MLLT10: variants seen among roughly 807,000 people sequenced by gnomAD.
MLLT10 encodes the protein MLLT10 histone lysine methyltransferase DOT1L cofactor, also known as protein AF-10.
A neutral mutation model predicts 129.1 loss-of-function variants in MLLT10; 30 were observed. That is an observed-to-expected ratio of 0.23 (90% CI 0.17 to 0.32). MLLT10 has a LOEUF of 0.32. Among genes scored for constraint, MLLT10 ranks in the 10% least tolerant of loss-of-function variants. The pLI, the probability that MLLT10 is intolerant of heterozygous loss-of-function variation, is 1.00. For missense variants in MLLT10, 1,119 were observed against 1,268.3 expected (o/e 0.88, Z 1.79); for synonymous variants, 490 against 446.4 (o/e 1.10, Z -1.23).
chr10:21,559,064 A>G (rs1466983766), intron 3 of MLLT10, among the ~76,000 whole-genome samples: 4 of 152,150 alleles, frequency 2.6e-5, no homozygotes, highest in East Asian at 3.9e-4. Flanking sequence ...TTGATTGTGT[A>G]TATCAGTTTG....
chr10:21,631,920 GTTTTTTTTTTGGT>G (rs1475589152), intron 8 of MLLT10, among the ~76,000 whole-genome samples: 1 of 125,322 alleles, frequency 8.0e-6, no homozygotes, highest in Non-Finnish European at 1.6e-5. Flanking sequence ...AACTTGAAGA[GTTTTTTTTTTGGT>G]TTTTTTTTTT....
intron 17 of MLLT10, 102 bp from the exon 18 acceptor site, chr10:21,732,797 C>A: frequency 2.3e-6 from 2 of 888,860 alleles, no homozygotes; most frequent in Non-Finnish European, 3.2e-6. Flanking sequence ...AGAATTTCTA[C>A]TGTTCTATTT....
intron 3 of MLLT10, among the ~76,000 whole-genome samples, chr10:21,551,289 C>CTT (rs11461905): frequency 0.018 from 1,665 of 91,934 alleles, 104 homozygotes; most frequent in African/African-American, 0.053. Context: ...CGGATTGTAC[C>CTT]TTTTTTTTTT....
intron 5 of MLLT10, among the ~76,000 whole-genome samples, chr10:21,604,391 A>G (rs2043855344): frequency 6.6e-6 from 1 of 152,108 alleles, no homozygotes. Flanking sequence ...GGAGTTCAAG[A>G]CCAGCCTGGC....
rs1564353525 is a variant in MLLT10, at chr10:21,534,468, AC to A, written c.-52del. On this transcript the variant is annotated 5_prime_UTR_variant, in exon 1 of 23. Coordinates refer to ENST00000307729, the MANE Select transcript of MLLT10 (RefSeq NM_001195626.3). Reference sequence around the variant, plus strand: ...GGGGAGGTGGGGGGAATCAGCAAGGACATGGCTCCTGACTCCTGTGCGGAAC... The same window carrying A: ...GGGGAGGTGGGGGGAATCAGCAAGGAATGGCTCCTGACTCCTGTGCGGAAC... 3.5e-6 allele frequency: 2 copies of A among 573,402 alleles called. No individual in the cohort carries two copies. The allele number at this position is 573,402 out of a possible 1,614,324, so 35.5% of individuals were successfully genotyped here.
chr10:21,686,240 G>A (rs562455732), intron 13 of MLLT10, among the ~76,000 whole-genome samples: 46 of 152,152 alleles, frequency 3.0e-4, no homozygotes, highest in African/African-American at 9.2e-4. Flanking sequence ...TATAGGCATC[G>A]ATTTAAAGTT....
At chr10:21,679,220 T>G (rs940394233) in intron 11 of MLLT10, among the ~76,000 whole-genome samples, 25 of 152,084 alleles carry the variant, frequency 1.6e-4, no homozygotes, top group Non-Finnish European at 8.8e-5. Flanking sequence ...TTTCTAAGAG[T>G]TTTAAGTTTG....
intron 13 of MLLT10, among the ~76,000 whole-genome samples, chr10:21,697,186 G>A (rs1479568213): frequency 6.6e-6 from 1 of 151,614 alleles, no homozygotes; most frequent in Non-Finnish European, 1.5e-5. Context: ...ACAGAAATAG[G>A]CCGGGCATGG....
At chr10:21,625,382 G>C (rs531211395) in intron 8 of MLLT10, 54 of 792,870 alleles carry the variant, frequency 6.8e-5, no homozygotes, top group Non-Finnish European at 1.1e-4. Flanking sequence ...TCCAAATTCA[G>C]AAAATGACTT....
intron 13 of MLLT10, chr10:21,708,700 A>G: frequency 1.0e-6 from 1 of 985,264 alleles, no homozygotes; most frequent in Non-Finnish European, 1.2e-6. Flanking sequence ...TTAAGTTTTG[A>G]GATTGAAGGT....
At chr10:21,644,399 A>T (rs945983845) in intron 8 of MLLT10, among the ~76,000 whole-genome samples, 1 of 151,998 alleles carries the variant, frequency 6.6e-6, no homozygotes, top group African/African-American at 2.4e-5. Context: ...TTTAAGGGCT[A>T]TGTATTTTGC....
At chr10:21,717,542 CCTTCTTCTTT>C (rs1331030457) in intron 14 of MLLT10, among the ~76,000 whole-genome samples, 122 of 115,690 alleles carry the variant, frequency 1.1e-3, no homozygotes, top group African/African-American at 2.8e-3. Flanking sequence ...CCTCCTCCTC[CCTTCTTCTTT>C]CTTCTTCTTT....
intron 13 of MLLT10, chr10:21,708,653 C>T (rs2055774337): frequency 4.1e-6 from 4 of 984,688 alleles, no homozygotes; most frequent in Non-Finnish European, 4.8e-6. Flanking sequence ...TGCGTAATTT[C>T]GTATGTAAGT....
intron 9 of MLLT10, among the ~76,000 whole-genome samples, chr10:21,662,497 C>G (rs2050312505): frequency 6.6e-6 from 1 of 151,954 alleles, no homozygotes; most frequent in Non-Finnish European, 1.5e-5. Flanking sequence ...GTGTCCCACT[C>G]TGCTGATGAT....
intron 3 of MLLT10, among the ~76,000 whole-genome samples, chr10:21,581,484 T>C (rs1374790074): frequency 6.6e-6 from 1 of 152,192 alleles, no homozygotes; most frequent in East Asian, 1.9e-4. Flanking sequence ...AGTGAGTAAG[T>C]GGTGAGTGAA....
At chr10:21,614,740 C>T (rs2131203453) in intron 6 of MLLT10, 91 bp from the exon 7 acceptor site, 1 of 928,668 alleles carries the variant, frequency 1.1e-6, no homozygotes, top group East Asian at 2.7e-5. Context: ...TTTCTCAGAG[C>T]ATGAATGATT....
In MLLT10 at chr10:21,612,264, T is replaced by C. The variant is rs1479202184; in HGVS notation, c.406-84T>C. The stretch of plus-strand genomic sequence containing the variant: ...AAGATAGGTTACTTAGTATACCTGA[T>C]CTTCATTTCTGAAGATAATTGTAAA... On this transcript the variant is annotated intron_variant, in intron 5 of 22. Transcript: ENST00000307729. 5.2e-6 allele frequency: 4 copies of C among 762,934 alleles called. No homozygotes were observed. In the African/African-American group the frequency reaches 7.0e-5, roughly 13 times the overall value. The allele number at this position is 762,934 out of a possible 1,614,324, so 47.3% of individuals were successfully genotyped here. A position where few individuals can be genotyped will look rare whatever the true frequency, so the allele number is the denominator to read the frequency against.
At chr10:21,670,338 G>T in intron 9 of MLLT10, 111 bp from the exon 10 acceptor site, 1 of 1,042,642 alleles carries the variant, frequency 9.6e-7, no homozygotes, top group Non-Finnish European at 1.3e-6. Context: ...TTTTAGAACA[G>T]AAACTTTGTG....
At chr10:21,557,392 T>C (rs2038180319) in intron 3 of MLLT10, among the ~76,000 whole-genome samples, 1 of 152,218 alleles carries the variant, frequency 6.6e-6, no homozygotes, top group Non-Finnish European at 1.5e-5. Flanking sequence ...TTATCTCCCT[T>C]GCGTATCTGG....
Sources: gnomAD v4.1 joint callset for allele counts (sites outside exome capture counted in the v4.1 genomes callset) on GRCh38, gnomAD v4.1.1 for gene constraint, MANE v1.5 for transcripts, NCBI Gene and HGNC (gene_info 2026-07-23, HGNC 2026-07-21) for gene names.